Variants in SLC4A10 observed in about 807,000 individuals in gnomAD.
The protein encoded by SLC4A10 is solute carrier family 4 member 10, also known as sodium-driven chloride bicarbonate exchanger.
SLC4A10 carries 42 observed loss-of-function variants against 137.7 expected under a neutral mutation model. The observed-to-expected ratio is 0.30, with a 90% confidence interval of 0.24 to 0.39. SLC4A10 has a LOEUF of 0.39. Among genes scored for constraint, SLC4A10 ranks in the 10% least tolerant of loss-of-function variants. The pLI is 1.00. For missense variants in SLC4A10, 925 were observed against 1,355.0 expected, an observed-to-expected ratio of 0.68 and a Z score of 4.98; for synonymous variants, 474 against 464.1, an observed-to-expected ratio of 1.02 and a Z score of -0.27.
intron 1 of SLC4A10, among the ~76,000 whole-genome samples, chr2:161,749,775 C>T (rs1015575033): frequency 6.6e-6 from 1 of 151,870 alleles, no homozygotes; most frequent in Non-Finnish European, 1.5e-5. Flanking sequence ...GTAGTATTGC[C>T]TCATAAAATG....
In SLC4A10 at chr2:161,741,856, G is replaced by A. The variant is rs148141184; in HGVS notation, c.49-29117G>A. ...TTGTACTCTCTCATTATTCTAAAAC[G>A]CACAACAAATTATTGCTGACTGGTC... On this transcript the variant is annotated intron_variant, in intron 1 of 26. Transcript: ENST00000446997. Among the ~76,000 whole-genome samples, 1,408 of 152,078 alleles carry A rather than the reference G, an allele frequency of 9.3e-3. 17 individuals carry two copies. Among genetic ancestry groups the A allele is most frequent in the Middle Eastern group, 0.017 (5 of 294 alleles).
At chr2:161,819,647 A>C (rs2057442636) in intron 3 of SLC4A10, among the ~76,000 whole-genome samples, 1 of 151,988 alleles carries the variant, frequency 6.6e-6, no homozygotes, top group Admixed American at 6.6e-5. Flanking sequence ...GGCACCTGCC[A>C]CCACAGCCAG....
At chr2:161,756,579 A>T (rs540290358) in intron 1 of SLC4A10, among the ~76,000 whole-genome samples, 9 of 152,198 alleles carry the variant, frequency 5.9e-5, no homozygotes, top group African/African-American at 2.2e-4. Flanking sequence ...CATAGATTTT[A>T]TAGCTGCACA....
intron 1 of SLC4A10, among the ~76,000 whole-genome samples, chr2:161,668,638 T>C (rs552995248): frequency 2.6e-5 from 4 of 152,044 alleles, no homozygotes; most frequent in African/African-American, 4.8e-5. Context: ...TTTTACTGGT[T>C]CAGGGAATCC....
At chr2:161,740,897 A>G (rs982993456) in intron 1 of SLC4A10, among the ~76,000 whole-genome samples, 1 of 152,216 alleles carries the variant, frequency 6.6e-6, no homozygotes, top group Non-Finnish European at 1.5e-5. Flanking sequence ...TTTAATATAC[A>G]TAGTGAAATG....
intron 9 of SLC4A10, among the ~76,000 whole-genome samples, chr2:161,879,795 G>A (rs968475996): frequency 2.0e-5 from 3 of 152,098 alleles, no homozygotes; most frequent in African/African-American, 7.2e-5. Context: ...GTGGGCTTCC[G>A]ACACACAGGG....
At chr2:161,850,218 T>A (rs1206442107) in intron 4 of SLC4A10, among the ~76,000 whole-genome samples, 1 of 151,954 alleles carries the variant, frequency 6.6e-6, no homozygotes, top group African/African-American at 2.4e-5. Flanking sequence ...GGCAAAACCC[T>A]GTCTCTACTA....
chr2:161,783,697 GA>G (rs1215281183), intron 2 of SLC4A10, among the ~76,000 whole-genome samples: 2 of 151,234 alleles, frequency 1.3e-5, no homozygotes, highest in East Asian at 3.9e-4. Context: ...TTGTTATCAG[GA>G]AAAAATAGAC....
At chr2:161,854,929 CAATAT>C (rs1162906940) in intron 4 of SLC4A10, 36 bp from the exon 5 acceptor site, 1 of 1,541,708 alleles carries the variant, frequency 6.5e-7, no homozygotes, top group African/African-American at 1.4e-5. Context: ...CATTAACCTA[CAATAT>C]AATATAAACT....
At chr2:161,960,638 T>G (rs1188736477) in intron 21 of SLC4A10, among the ~76,000 whole-genome samples, 1 of 151,302 alleles carries the variant, frequency 6.6e-6, no homozygotes, top group African/African-American at 2.4e-5. Context: ...AAGAATTACT[T>G]GAACCCGGGA....
chr2:161,704,600 T>TA (rs1194648810), intron 1 of SLC4A10, among the ~76,000 whole-genome samples: 1 of 151,670 alleles, frequency 6.6e-6, no homozygotes, highest in Non-Finnish European at 1.5e-5. Flanking sequence ...GAGCCATCTT[T>TA]AAAAAATCAG....
In SLC4A10 at chr2:161,977,708, A is replaced by G. The variant is rs1295394938; in HGVS notation, c.3345-14A>G. Reference sequence around the variant, plus strand: ...TTTTTCTACTTAATTTTTATATTACATTTTTGTCATAAGCTCCCCTTCCTA... The same window carrying G: ...TTTTTCTACTTAATTTTTATATTACGTTTTTGTCATAAGCTCCCCTTCCTA... On this transcript the variant is annotated splice_polypyrimidine_tract_variant and intron_variant, in intron 25 of 26. Coordinates refer to ENST00000446997, the MANE Select transcript of SLC4A10 (RefSeq NM_001178015.2). 6.3e-7 allele frequency: 1 copy of G among 1,597,034 alleles called. No homozygotes were observed. The highest frequency in any genetic ancestry group is 1.1e-5 in the South Asian group (1 of 86,958).
intron 3 of SLC4A10, among the ~76,000 whole-genome samples, chr2:161,835,031 C>G (rs1388224241): frequency 1.7e-5 from 2 of 117,562 alleles, no homozygotes; most frequent in Non-Finnish European, 3.4e-5. Context: ...ACCCTTAAGA[C>G]TATATGTCTT....
At chr2:161,975,938 A>C (rs546551613) in intron 24 of SLC4A10, among the ~76,000 whole-genome samples, 1 of 152,186 alleles carries the variant, frequency 6.6e-6, no homozygotes, top group Admixed American at 6.5e-5. Context: ...CAGAGCCTTT[A>C]GGCCATTATA....
intron 3 of SLC4A10, among the ~76,000 whole-genome samples, chr2:161,819,847 A>G (rs894083581): frequency 1.3e-5 from 2 of 152,280 alleles, no homozygotes; most frequent in African/African-American, 4.8e-5. Context: ...ATTTGAAACT[A>G]TATTTTCAAC....
chr2:161,964,376 A>T, intron 22 of SLC4A10, 68 bp downstream of exon 22: 2 of 1,488,282 alleles, frequency 1.3e-6, no homozygotes, highest in Non-Finnish European at 1.9e-6. Flanking sequence ...ACATAAACAC[A>T]TGAATTGAAA....
At chr2:161,875,262 G>A (rs945743696) in intron 8 of SLC4A10, among the ~76,000 whole-genome samples, 3 of 152,108 alleles carry the variant, frequency 2.0e-5, no homozygotes, top group Non-Finnish European at 4.4e-5. Flanking sequence ...TTAGCCTTAT[G>A]ATTTTAGTTT....
chr2:161,922,518 C>T (rs1688316677), intron 15 of SLC4A10, among the ~76,000 whole-genome samples: 1 of 151,908 alleles, frequency 6.6e-6, no homozygotes, highest in South Asian at 2.1e-4. Flanking sequence ...TGTTGTATCC[C>T]TTACAAATAA....
chr2:161,876,607 C>T (rs1481953056), intron 8 of SLC4A10, among the ~76,000 whole-genome samples: 1 of 152,064 alleles, frequency 6.6e-6, no homozygotes, highest in Non-Finnish European at 1.5e-5. Context: ...TGGCTTGAGC[C>T]AGGAAGTTCG....
Sources: gnomAD v4.1 joint callset for allele counts (sites outside exome capture counted in the v4.1 genomes callset) on GRCh38, gnomAD v4.1.1 for gene constraint, MANE v1.5 for transcripts, NCBI Gene and HGNC (gene_info 2026-07-23, HGNC 2026-07-21) for gene names.